Variants in CDH22 observed in about 807,000 individuals in gnomAD.
CDH22 encodes the protein cadherin-22.
CDH22 carries 30 observed loss-of-function variants against 58.4 expected under a neutral mutation model. The observed-to-expected ratio is 0.51, with a 90% CI of 0.38 to 0.70. CDH22 has a LOEUF of 0.70. Ranked by LOEUF, CDH22 falls within the 30% of genes least tolerant of loss-of-function variation. The probability of loss-of-function intolerance (pLI) is 0.00; values close to 1 mark genes in which losing one functional copy is unlikely to be tolerated. For synonymous variants in CDH22, 513 were observed against 558.2 expected (o/e 0.92, Z 1.14); for missense variants, 1,014 against 1,233.9 (o/e 0.82, Z 2.67).
intron 7 of CDH22, among the ~76,000 whole-genome samples, chr20:46,205,832 T>A (rs1167328103): frequency 1.3e-5 from 2 of 152,170 alleles, no homozygotes; most frequent in African/African-American, 4.8e-5. Flanking sequence ...GTCCAGCTGG[T>A]CTCGCTGCTC....
intron 1 of CDH22, among the ~76,000 whole-genome samples, chr20:46,294,964 C>A (rs548894855): frequency 1.2e-3 from 189 of 152,324 alleles, no homozygotes; most frequent in African/African-American, 4.5e-3. Context: ...GGGGTTTCTT[C>A]TTCACACCCT....
intron 10 of CDH22, 108 bp from the exon 11 acceptor site, chr20:46,178,305 T>C: frequency 8.0e-7 from 1 of 1,255,382 alleles, no homozygotes; most frequent in East Asian, 2.4e-5. Flanking sequence ...TGCCCCAAAC[T>C]ACAGCCTCCC....
chr20:46,273,262 G>A, intron 1 of CDH22, among the ~76,000 whole-genome samples: 1 of 152,220 alleles, frequency 6.6e-6, no homozygotes, highest in Admixed American at 6.5e-5. Flanking sequence ...TGCTCTCTAA[G>A]TTCTCTGGGC....
At chr20:46,295,032 GCACA>G (rs1424336027) in intron 1 of CDH22, among the ~76,000 whole-genome samples, 1 of 152,144 alleles carries the variant, frequency 6.6e-6, no homozygotes, top group African/African-American at 2.4e-5. Context: ...TCCACGAAGG[GCACA>G]CACAATTGGC....
intron 1 of CDH22, among the ~76,000 whole-genome samples, chr20:46,296,098 G>T (rs1489094110): frequency 6.6e-6 from 1 of 152,136 alleles, no homozygotes; most frequent in African/African-American, 2.4e-5. Context: ...AGCCTCCCAG[G>T]TGCTTGTCCT....
At chr20:46,224,323 G>A (rs1297689403) in intron 4 of CDH22, among the ~76,000 whole-genome samples, 1 of 152,230 alleles carries the variant, frequency 6.6e-6, no homozygotes, top group African/African-American at 2.4e-5. Flanking sequence ...CTAGTGCCTA[G>A]CACAGAGCCA....
At chr20:46,211,590 G>C (rs563563239) in intron 6 of CDH22, among the ~76,000 whole-genome samples, 40 of 152,202 alleles carry the variant, frequency 2.6e-4, no homozygotes, top group Non-Finnish European at 3.7e-4. Flanking sequence ...GCGGCAGGAG[G>C]GGGCCTGAGA....
chr20:46,209,849 G>A (rs938235169), intron 7 of CDH22: 1 of 158,646 alleles, frequency 6.3e-6, no homozygotes, highest in Non-Finnish European at 1.4e-5. Flanking sequence ...TTTTGATGGA[G>A]AGACCAGGAA....
intron 1 of CDH22, among the ~76,000 whole-genome samples, chr20:46,287,784 G>C (rs1168841854): frequency 6.6e-6 from 1 of 152,140 alleles, no homozygotes; most frequent in African/African-American, 2.4e-5. Flanking sequence ...GGCTACTGTG[G>C]GTGTGAAGCA....
intron 4 of CDH22, among the ~76,000 whole-genome samples, chr20:46,224,970 C>T (rs1020848698): frequency 6.6e-6 from 1 of 152,250 alleles, no homozygotes; most frequent in African/African-American, 2.4e-5. Flanking sequence ...CAGGGCCTCC[C>T]TGCCTCTAAT....
At chr20:46,279,869 G>A (rs1476793723) in intron 1 of CDH22, among the ~76,000 whole-genome samples, 2 of 152,166 alleles carry the variant, frequency 1.3e-5, no homozygotes, top group Admixed American at 6.5e-5. Flanking sequence ...CAAATTATAC[G>A]TGCAGAGAGA....
At chr20:46,232,503 C>A (rs1568667452) in intron 3 of CDH22, among the ~76,000 whole-genome samples, 1 of 152,134 alleles carries the variant, frequency 6.6e-6, no homozygotes, top group Non-Finnish European at 1.5e-5. Flanking sequence ...GCCGAGGTGA[C>A]CACATGTCAT....
rs1476884996 is a variant in CDH22 at position 46,216,247 on chromosome 20, T to C, written c.838+579A>G. ...CGGAGACATCCCCCAACCCCCGCTG[T>C]GCCAGCAGAGGCAGAGGGTGGAAAG... On this transcript the variant is annotated intron_variant, in intron 5 of 11. Coordinates refer to ENST00000537909, the MANE Select transcript of CDH22 (RefSeq NM_021248.3). The surrounding 1 kb of genome is among the most constrained non-coding windows in gnomAD (Gnocchi z 5.3). Among the ~76,000 whole-genome samples, 1 of 152,162 alleles carries C rather than the reference T, an allele frequency of 6.6e-6. No homozygotes were observed. The highest frequency in any genetic ancestry group is 1.5e-5 in the Non-Finnish European group (1 of 68,024).
At chr20:46,212,970 C>G in intron 6 of CDH22, 25 bp downstream of exon 6, 1 of 1,601,982 alleles carries the variant, frequency 6.2e-7, no homozygotes, top group South Asian at 1.1e-5. Flanking sequence ...GCCTGCCTCC[C>G]CCATTCCTCC....
Position 46,216,976 on chromosome 20 carries a change from C to T in CDH22, c.688G>A (p.Val230Met), listed in dbSNP as rs777208991. The change falls in exon 5 of 12, where the codon GTG becomes ATG. Residue 230 changes from valine to methionine, a missense_variant. Physicochemically the swap from Val to Met is conservative, Grantham distance 21. Around this residue, in one of 2 missense-constraint regions of CDH22, gnomAD observed 806 missense variants for 1,038.7 expected, o/e 0.78. Transcript: ENST00000537909. This position sits in a 1 kb window ranked among gnomAD's most constrained non-coding sequence, Gnocchi z 5.3. Reference sequence around the variant, plus strand: ...TGGCTCTCGCGGTCAAGGTCAGGCACAGCCGTCCGGATTACGCCTGTGGGT... The same window carrying T: ...TGGCTCTCGCGGTCAAGGTCAGGCATAGCCGTCCGGATTACGCCTGTGGGT... ...DPKTGVIRTAVPDLDRESQER... is the reference protein window; with the variant it reads ...DPKTGVIRTAMPDLDRESQER... The T allele has an allele frequency of 2.5e-5, 40 of 1,597,668 alleles. No homozygotes were observed. The highest frequency in any genetic ancestry group is 3.4e-5 in the Non-Finnish European group (40 of 1,167,944).
At chr20:46,287,366 C>A (rs1000695022) in intron 1 of CDH22, among the ~76,000 whole-genome samples, 7 of 152,104 alleles carry the variant, frequency 4.6e-5, no homozygotes, top group Non-Finnish European at 7.3e-5. Flanking sequence ...TTAAAACATG[C>A]GATGATGACT....
At chr20:46,217,082 T>G in intron 4 of CDH22, 89 bp from the exon 5 acceptor site, 2 of 1,319,752 alleles carry the variant, frequency 1.5e-6, no homozygotes, top group South Asian at 1.4e-5. Context: ...TCAGACCCTG[T>G]GACTCCTGGG....
intron 7 of CDH22, among the ~76,000 whole-genome samples, chr20:46,201,947 CTCTGTGCTGG>C (rs1486954455): frequency 1.8e-4 from 27 of 152,296 alleles, no homozygotes; most frequent in African/African-American, 6.5e-4. Flanking sequence ...TGAGTGCCTT[CTCTGTGCTGG>C]TCTGTGCTAG....
chr20:46,270,966 G>A (rs949403079), intron 1 of CDH22, among the ~76,000 whole-genome samples: 5 of 152,304 alleles, frequency 3.3e-5, no homozygotes, highest in East Asian at 1.9e-4. Context: ...TCCCAGGTTC[G>A]TTGTGAAGCT....
Sources: gnomAD v4.1 joint callset for allele counts (sites outside exome capture counted in the v4.1 genomes callset) on GRCh38, gnomAD v4.1.1 for gene constraint, gnomAD v4.1.1 regional missense constraint, Gnocchi (gnomAD v3.1) non-coding constraint, MANE v1.5 for transcripts, NCBI Gene and HGNC (gene_info 2026-07-23, HGNC 2026-07-21) for gene names.